The following TMEM106A variants were observed in gnomAD, a reference collection of about 807,000 sequenced individuals.
TMEM106A encodes the protein transmembrane protein 106A.
A neutral mutation model predicts 25.1 loss-of-function variants in TMEM106A; 22 were observed. The observed-to-expected ratio is 0.88, with a 90% CI of 0.63 to 1.25. The LOEUF (loss-of-function observed/expected upper bound fraction) is 1.25, where lower values mean the gene tolerates loss of function less well. TMEM106A is among the 50% of genes most tolerant of loss of function. The pLI is 0.00. For synonymous variants in TMEM106A, 104 were observed against 129.9 expected (o/e 0.80, Z 1.35); for missense variants, 275 against 318.1 (o/e 0.86, Z 1.03).
In TMEM106A at chr17:43,213,814, T is replaced by G; in HGVS notation, c.212-14T>G. The G allele has an allele frequency of 2.5e-6, 4 of 1,613,760 alleles. No homozygotes were observed. Among genetic ancestry groups the G allele is most frequent in the Non-Finnish European group, 3.4e-6 (4 of 1,179,712 alleles). Reference sequence around the variant, plus strand: ...TTGCATCTTGGCCCTCCCTCTCACCTTCTCTCTCTCTAGAGCTGGAGAAGC... The same window carrying G: ...TTGCATCTTGGCCCTCCCTCTCACCGTCTCTCTCTCTAGAGCTGGAGAAGC... On this transcript the variant is annotated splice_polypyrimidine_tract_variant and intron_variant, in intron 3 of 8. Transcript: ENST00000612339.
chr17:43,213,361 C>A lies in TMEM106A; in HGVS notation c.211+109C>A. The A allele has an allele frequency of 1.1e-5, 13 of 1,154,130 alleles. No homozygotes were observed. The South Asian group carries it at 1.4e-4, about 12-fold the overall frequency. The allele number at this position is 1,154,130 out of a possible 1,614,324, so 71.5% of individuals were successfully genotyped here. A position where few individuals can be genotyped will look rare whatever the true frequency, so the allele number is the denominator to read the frequency against. On this transcript the variant is annotated intron_variant, in intron 3 of 8. Coordinates refer to ENST00000612339, the MANE Select transcript of TMEM106A (RefSeq NM_145041.4). Reference sequence around the variant, plus strand: ...CCTTGGATGGGGTTAGATCTGCTCCCAGCTCTTGACCTCCCAGTCTCAGGC... The same window carrying A: ...CCTTGGATGGGGTTAGATCTGCTCCAAGCTCTTGACCTCCCAGTCTCAGGC...
Position 43,215,937 on chromosome 17 carries a change from T to A in TMEM106A, c.425T>A (p.Ile142Lys). Residue 142 changes from isoleucine (I) to lysine (K), a missense_variant, in exon 5 of 9, where the codon ATA becomes AAA. Physicochemically the swap from Ile to Lys is moderately radical, Grantham distance 102. Transcript: ENST00000612339. ...AFDEADIYLN[I>K]TNILNISNGN... is the part of the protein sequence containing the mutation. ...GATGAGGCTGATATCTACCTCAACA[T>A]AACGGTGGGTGGGTGCCCTTGGCTC... 1 of 1,614,070 alleles carries A rather than the reference T, an allele frequency of 6.2e-7. No homozygotes were observed. Among genetic ancestry groups the A allele is most frequent in the Non-Finnish European group, 8.5e-7 (1 of 1,179,998 alleles).
chr17:43,216,338 G>A, intron 5 of TMEM106A, 111 bp from the exon 6 acceptor site: 1 of 1,428,644 alleles, frequency 7.0e-7, no homozygotes, highest in Non-Finnish European at 9.7e-7. Flanking sequence ...TGCACCTGAA[G>A]CTTGTCATGG....
rs372931504 is a variant in TMEM106A at position 43,217,210 on chromosome 17, G to C, written c.615-49G>C. 20 of 1,596,350 alleles carry C rather than the reference G, an allele frequency of 1.3e-5. No homozygotes were observed. The African/African-American group carries it at 1.6e-4, about 13-fold the overall frequency. On this transcript the variant is annotated intron_variant, in intron 7 of 8. Coordinates refer to ENST00000612339, the MANE Select transcript of TMEM106A (RefSeq NM_145041.4). ...CTGCAGGCATCTTCTGAGCTGACAG[G>C]CTGCTCCATGTGACACGTGGTCCCA... is the stretch of plus-strand genomic sequence containing the variant.
chr17:43,215,206 G>C (rs902473134), intron 4 of TMEM106A, among the ~76,000 whole-genome samples: 1 of 151,876 alleles, frequency 6.6e-6, no homozygotes, highest in African/African-American at 2.4e-5. Flanking sequence ...TCGTGCCACT[G>C]CACTCCAGCT....
chr17:43,212,095 CCTT>C (rs1476036718), intron 1 of TMEM106A, 129 bp from the exon 2 acceptor site: 2 of 152,354 alleles, frequency 1.3e-5, no homozygotes, highest in Admixed American at 6.5e-5. Context: ...TGAAGTCACA[CCTT>C]CTCCGTCCGC....
Position 43,216,829 on chromosome 17 carries a change from A to G in TMEM106A, c.614+89A>G, listed in dbSNP as rs2057491326. 1.5e-5 allele frequency: 24 copies of G among 1,560,306 alleles called. No homozygotes were observed. In the South Asian group the frequency reaches 2.1e-4, roughly 14 times the overall value. The stretch of plus-strand genomic sequence containing the variant: ...CACCAGCTTTCCTGATTGCTTAGCA[A>G]ATTCTTCAGCCAGCATCTGGCCTGC... On this transcript the variant is annotated intron_variant, in intron 7 of 8. Coordinates refer to ENST00000612339, the MANE Select transcript of TMEM106A (RefSeq NM_145041.4).
chr17:43,215,943 T>C lies in TMEM106A; in HGVS notation c.429+2T>C, dbSNP rs2057481254. ...GCTGATATCTACCTCAACATAACGGTGGGTGGGTGCCCTTGGCTCCAAACC... is the reference window on the plus strand; with the variant it reads ...GCTGATATCTACCTCAACATAACGGCGGGTGGGTGCCCTTGGCTCCAAACC... On this transcript the variant is annotated splice_donor_variant, in intron 5 of 8. Transcript: ENST00000612339. LOFTEE classifies it high-confidence loss of function. 1 of 1,613,928 alleles carries C rather than the reference T, an allele frequency of 6.2e-7. No individual in the cohort carries two copies. The highest frequency in any genetic ancestry group is 8.5e-7 in the Non-Finnish European group (1 of 1,179,900).
rs531543490 is a variant in TMEM106A, at chr17:43,212,830, G to A, written c.-21-191G>A. 9.2e-5 allele frequency among the ~76,000 whole-genome samples: 14 copies of A among 152,240 alleles called. No homozygotes were observed. In the East Asian group the frequency reaches 2.7e-3, roughly 29 times the overall value. On this transcript the variant is annotated intron_variant, in intron 2 of 8. Coordinates refer to ENST00000612339, the MANE Select transcript of TMEM106A (RefSeq NM_145041.4). ...ATTGGTCTCTTTTAAAATAATGAAAGGAGTCGAAATGCATTGAGACTTCTG... is the reference window on the plus strand; with the variant it reads ...ATTGGTCTCTTTTAAAATAATGAAAAGAGTCGAAATGCATTGAGACTTCTG...
At chr17:43,212,905 T>G in intron 2 of TMEM106A, 116 bp from the exon 3 acceptor site, 2 of 731,222 alleles carry the variant, frequency 2.7e-6, no homozygotes, top group Non-Finnish European at 4.6e-6. Flanking sequence ...TCCTTAGGCT[T>G]GAGCTTGCTT....
chr17:43,214,127 G>C (rs1215761625), intron 4 of TMEM106A: 2 of 329,300 alleles, frequency 6.1e-6, no homozygotes, highest in Non-Finnish European at 1.1e-5. Flanking sequence ...AAGGCAGGCA[G>C]ATTACTTGAG....
Position 43,215,862 on chromosome 17 carries a change from G to A in TMEM106A, c.350G>A (p.Arg117Gln), listed in dbSNP as rs751089393. ...TTCATCGTCTTTTTCCTGTTTCCCC[G>A]GTCCGTCATTGTGCAGCCTGCAGGC... The part of the protein sequence containing the change: ...SSFIVFFLFP[R>Q]SVIVQPAGLN... The change falls in exon 5 of 9, where the codon CGG (arginine) becomes CAG (glutamine). Residue 117 changes from arginine (R) to glutamine (Q), a missense_variant. Transcript: ENST00000612339. 1.4e-5 allele frequency: 23 copies of A among 1,613,934 alleles called. No homozygotes were observed. Among genetic ancestry groups the A allele is most frequent in the South Asian group, 4.4e-5 (4 of 91,072 alleles).
intron 7 of TMEM106A, 50 bp downstream of exon 7, chr17:43,216,790 A>C (rs1408965551): frequency 9.9e-6 from 16 of 1,611,760 alleles, no homozygotes; most frequent in African/African-American, 1.3e-5. Flanking sequence ...TGGCTTAGGG[A>C]CCCAATTAAT....
chr17:43,214,974 A>G (rs200746491), intron 4 of TMEM106A, among the ~76,000 whole-genome samples: 2 of 147,306 alleles, frequency 1.4e-5, no homozygotes, highest in African/African-American at 2.5e-5. Flanking sequence ...AAAAAAAAAA[A>G]CAAAAAAAAA....
At chr17:43,213,741 G>C (rs531379026) in intron 3 of TMEM106A, 87 bp from the exon 4 acceptor site, 2 of 1,297,454 alleles carry the variant, frequency 1.5e-6, no homozygotes, top group African/African-American at 2.9e-5. Context: ...CTATGGTGTG[G>C]GTGGAGGCGT....
At position 43,218,054 on chromosome 17, in the gene TMEM106A, GTT is replaced by G; in HGVS notation, c.*262_*263del. On this transcript the variant is annotated 3_prime_UTR_variant, in exon 9 of 9. Transcript: ENST00000612339. Reference sequence around the variant, plus strand: ...AGATTCTGCCCTTGGTTAGTTTTTTGTTTTTTTTTTGGTAGAGACAGAGTCTC... The same window carrying G: ...AGATTCTGCCCTTGGTTAGTTTTTTGTTTTTTTTGGTAGAGACAGAGTCTC... 2.4e-6 allele frequency: 1 copy of G among 418,412 alleles called. No homozygotes were observed. The allele number at this position is 418,412 out of a possible 1,614,324, so 25.9% of individuals were successfully genotyped here.
rs2057513492 is a variant in TMEM106A at position 43,219,189 on chromosome 17, C to T, written c.*1388C>T. The T allele has an allele frequency of 6.6e-6, 1 of 152,214 alleles. No homozygotes were observed. The highest frequency in any genetic ancestry group is 1.5e-5 in the Non-Finnish European group (1 of 68,060). The allele number at this position is 152,214 out of a possible 1,614,324, so 9.4% of individuals were successfully genotyped here. On this transcript the variant is annotated 3_prime_UTR_variant, in exon 9 of 9. Coordinates refer to ENST00000612339, the MANE Select transcript of TMEM106A (RefSeq NM_145041.4). ...TTCAGGAGATGAAGCTATCAGTATC[C>T]AGCTGAAGGCTGCTGGGTTCTGTTC... is the stretch of plus-strand genomic sequence containing the variant.
At position 43,216,530 on chromosome 17, in the gene TMEM106A, G is replaced by T. The variant is rs755881671; in HGVS notation, c.511G>T (p.Val171Leu). 6.2e-7 allele frequency: 1 copy of T among 1,614,174 alleles called. No individual in the cohort carries two copies. The change falls in exon 6 of 9, where the codon GTG becomes TTG. Residue 171 changes from valine (V) to leucine (L), a missense_variant. Physicochemically the swap from Val to Leu is conservative, Grantham distance 32. Transcript: ENST00000612339. ...LTLEVLHLSL[V>L]VGQVSNNLLL... The stretch of plus-strand genomic sequence containing the variant: ...CCTCGAGGTTCTGCACCTGTCCCTC[G>T]TGGTGGGGCAGGTTTCCAACAACCT...
intron 7 of TMEM106A, 86 bp from the exon 8 acceptor site, chr17:43,217,173 G>A: frequency 7.1e-7 from 1 of 1,400,664 alleles, no homozygotes; most frequent in Admixed American, 1.7e-5. Context: ...TGTGGGGTAA[G>A]GAAACTGGGA....
Sources: allele counts gnomAD v4.1 joint callset (sites outside exome capture counted in the v4.1 genomes callset), GRCh38; gene constraint gnomAD v4.1.1; transcripts MANE v1.5; gene names NCBI Gene and HGNC (gene_info 2026-07-23, HGNC 2026-07-21).